Variants in PDE1C observed in about 807,000 individuals in gnomAD.
The protein encoded by PDE1C is phosphodiesterase 1C.
PDE1C carries 62 observed loss-of-function variants against 93.1 expected under a neutral mutation model. The ratio of observed to expected loss-of-function variants is 0.67; its 90% CI spans 0.54 to 0.82. The LOEUF is 0.82. Ranked by LOEUF, PDE1C falls within the 40% of genes least tolerant of loss-of-function variation. The pLI is 0.00. For synonymous variants in PDE1C, 325 were observed against 310.1 expected, an observed-to-expected ratio of 1.05 and a Z score of -0.50; for missense variants, 742 against 884.6, an observed-to-expected ratio of 0.84 and a Z score of 2.04.
chr7:32,178,956 C>T (rs924798131), intron 2 of PDE1C, among the ~76,000 whole-genome samples: 3 of 152,188 alleles, frequency 2.0e-5, no homozygotes, highest in African/African-American at 7.2e-5. Flanking sequence ...TGTTAGCCTA[C>T]TGAATCATCA....
Position 32,289,079 on chromosome 7 carries a change from A to G in PDE1C, c.85+9572T>C, listed in dbSNP as rs1167102007. On this transcript the variant is annotated intron_variant, in intron 1 of 18. Transcript: ENST00000396193. ...GTAGATATTATTATTCCTACTTTAC[A>G]AAATTAACAAACAAGATTCAGAAAG... Among the ~76,000 whole-genome samples the G allele has an allele frequency of 7.9e-5, 12 of 152,202 alleles. 1 individual carries two copies. The highest frequency in any genetic ancestry group is 7.2e-4 in the Admixed American group (11 of 15,276).
intron 2 of PDE1C, among the ~76,000 whole-genome samples, chr7:32,026,853 A>G (rs1049120704): frequency 6.6e-6 from 1 of 152,174 alleles, no homozygotes; most frequent in Admixed American, 6.5e-5. Context: ...AGAGAACATC[A>G]AGCTATGAAA....
intron 2 of PDE1C, among the ~76,000 whole-genome samples, chr7:31,884,609 T>G (rs73690316): frequency 0.012 from 1,843 of 152,258 alleles, 37 homozygotes; most frequent in African/African-American, 0.042. Context: ...GATGCCCCTT[T>G]CAAATTCTGT....
chr7:32,053,968 G>A (rs1793716327), intron 1 of PDE1C, among the ~76,000 whole-genome samples: 1 of 151,882 alleles, frequency 6.6e-6, no homozygotes, highest in South Asian at 2.1e-4. Context: ...AAGAAATATG[G>A]AAGTATACAG....
chr7:32,395,986 C>T (rs1459694989), intron 1 of PDE1C, among the ~76,000 whole-genome samples: 3 of 151,808 alleles, frequency 2.0e-5, no homozygotes, highest in South Asian at 2.1e-4. Flanking sequence ...CTCAGTAGTC[C>T]CTAAATTAAT....
At chr7:31,642,681 G>A in the PDE1C span, 121 of 1,612,784 alleles carry the variant, frequency 7.5e-5, 1 homozygote, top group African/African-American at 1.5e-3. Context: ...TTCCCCTACA[G>A]ATGCCTTCCT....
intron 3 of PDE1C, among the ~76,000 whole-genome samples, chr7:32,077,618 C>T (rs1274920430): frequency 6.6e-6 from 1 of 152,090 alleles, no homozygotes; most frequent in Non-Finnish European, 1.5e-5. Flanking sequence ...GTTGCCCAGG[C>T]TGGAGTGCAG....
At chr7:32,249,124 C>G (rs529425262) in intron 1 of PDE1C, among the ~76,000 whole-genome samples, 3 of 151,886 alleles carry the variant, frequency 2.0e-5, no homozygotes, top group East Asian at 1.9e-4. Context: ...AACAAGGTAC[C>G]CTTCACAGCT....
chr7:32,051,017 A>G (rs1448255132), intron 2 of PDE1C, among the ~76,000 whole-genome samples: 1 of 152,234 alleles, frequency 6.6e-6, no homozygotes, highest in Non-Finnish European at 1.5e-5. Flanking sequence ...CACAGCCCAG[A>G]GGCAGGCTGG....
intron 1 of PDE1C, among the ~76,000 whole-genome samples, chr7:32,386,089 CT>C (rs3079658): frequency 0.56 from 76,619 of 137,110 alleles, 21,455 homozygotes; most frequent in East Asian, 0.86. Flanking sequence ...CTTTTTCTTT[CT>C]TTTTTTTTTT....
At chr7:32,375,094 T>C (rs920948625) in intron 1 of PDE1C, among the ~76,000 whole-genome samples, 3 of 152,300 alleles carry the variant, frequency 2.0e-5, no homozygotes, top group Middle Eastern at 3.4e-3. Flanking sequence ...CTAAGATTCA[T>C]ACGGTATCCC....
chr7:32,231,286 T>A (rs1807671219), intron 1 of PDE1C, among the ~76,000 whole-genome samples: 1 of 152,134 alleles, frequency 6.6e-6, no homozygotes, highest in Non-Finnish European at 1.5e-5. Flanking sequence ...TTAGAGTAAC[T>A]GAGAGCACAG....
At chr7:32,378,547 G>A (rs1185500462) in intron 1 of PDE1C, among the ~76,000 whole-genome samples, 1 of 152,180 alleles carries the variant, frequency 6.6e-6, no homozygotes, top group East Asian at 1.9e-4. Context: ...TTATTCTAGA[G>A]GTCACAAGAT....
chr7:31,906,170 G>A (rs530407887), intron 2 of PDE1C, among the ~76,000 whole-genome samples: 1 of 152,062 alleles, frequency 6.6e-6, no homozygotes, highest in Non-Finnish European at 1.5e-5. Context: ...ATTATCTAAC[G>A]ATAACCTTCT....
At chr7:32,146,274 A>C (rs947616728) in intron 3 of PDE1C, among the ~76,000 whole-genome samples, 45 of 152,304 alleles carry the variant, frequency 3.0e-4, no homozygotes, top group Admixed American at 1.6e-3. Context: ...AAATGACCAC[A>C]ACCTTAGTAG....
chr7:32,335,295 C>T (rs1024136628), intron 1 of PDE1C, among the ~76,000 whole-genome samples: 4 of 152,180 alleles, frequency 2.6e-5, no homozygotes, highest in African/African-American at 9.7e-5. Context: ...ACATCCTCTG[C>T]TCCTCACTTG....
the PDE1C span, among the ~76,000 whole-genome samples, chr7:31,669,162 G>T: frequency 6.6e-6 from 1 of 152,152 alleles, no homozygotes; most frequent in African/African-American, 2.4e-5. Flanking sequence ...TGACTCTGGG[G>T]GCATGAAAGG....
intron 16 of PDE1C, chr7:31,784,607 A>G (rs1330824736): frequency 1.3e-5 from 2 of 152,102 alleles, no homozygotes; most frequent in Non-Finnish European, 2.9e-5. Context: ...AGGGTAGAAA[A>G]ATGGGAGGAA....
chr7:32,338,008 A>T (rs1306667737), intron 1 of PDE1C, among the ~76,000 whole-genome samples: 1 of 152,182 alleles, frequency 6.6e-6, no homozygotes, highest in Non-Finnish European at 1.5e-5. Context: ...GCTAAAACTA[A>T]ACACTCATAG....
Sources: gnomAD v4.1 joint callset for allele counts (sites outside exome capture counted in the v4.1 genomes callset) on GRCh38, gnomAD v4.1.1 for gene constraint, MANE v1.5 for transcripts, NCBI Gene and HGNC (gene_info 2026-07-23, HGNC 2026-07-21) for gene names.